The following GRIK2 variants were observed in gnomAD, a reference collection of about 807,000 sequenced individuals.
GRIK2 encodes glutamate ionotropic receptor kainate type subunit 2.
GRIK2 carries 32 observed loss-of-function variants against 100.3 expected under a neutral mutation model. The ratio of observed to expected loss-of-function variants is 0.32; its 90% CI spans 0.24 to 0.43. GRIK2 has a LOEUF of 0.43. GRIK2 is among the 20% of genes least tolerant of loss of function. The pLI, the probability that GRIK2 is intolerant of heterozygous loss-of-function variation, is 1.00. For synonymous variants in GRIK2, 417 were observed against 389.4 expected (o/e 1.07, Z -0.83); for missense variants, 843 against 1,114.9 (o/e 0.76, Z 3.47).
At chr6:101,973,377 A>G (rs183469807) in intron 14 of GRIK2, among the ~76,000 whole-genome samples, 2 of 152,074 alleles carry the variant, frequency 1.3e-5, no homozygotes, top group African/African-American at 4.8e-5. Flanking sequence ...TATAGTTGTA[A>G]GTATGCGTAA....
At position 101,938,994 on chromosome 6, in the gene GRIK2, G is replaced by A. The variant is rs142502702; in HGVS notation, c.2085+10362G>A. On this transcript the variant is annotated intron_variant, in intron 14 of 16. Transcript: ENST00000369134. Reference sequence around the variant, plus strand: ...GTAGGTGTTTCATTTATTAAGTATTGTAATTACAGCTAATTAGAAGCTACA... The same window carrying A: ...GTAGGTGTTTCATTTATTAAGTATTATAATTACAGCTAATTAGAAGCTACA... Among the ~76,000 whole-genome samples, 8 of 152,058 alleles carry A rather than the reference G, an allele frequency of 5.3e-5. No individual in the cohort carries two copies. In the East Asian group the frequency reaches 1.4e-3, roughly 26 times the overall value.
At chr6:101,991,874 T>A (rs920483953) in intron 14 of GRIK2, among the ~76,000 whole-genome samples, 3 of 151,438 alleles carry the variant, frequency 2.0e-5, no homozygotes, top group African/African-American at 7.3e-5. Flanking sequence ...GAATAAGAAA[T>A]GCCAAGTTAT....
intron 2 of GRIK2, among the ~76,000 whole-genome samples, chr6:101,617,877 T>C (rs1414457553): frequency 6.6e-6 from 1 of 151,696 alleles, no homozygotes; most frequent in Non-Finnish European, 1.5e-5. Flanking sequence ...TAAATGTGTG[T>C]ATATATGTGT....
chr6:101,647,850 A>G (rs1399776025), intron 4 of GRIK2, among the ~76,000 whole-genome samples: 2 of 152,166 alleles, frequency 1.3e-5, no homozygotes, highest in Middle Eastern at 3.4e-3. Flanking sequence ...GCAACATTAC[A>G]TATCACTGTG....
At position 101,686,365 on chromosome 6, in the gene GRIK2, C is replaced by G; in HGVS notation, c.951+12C>G. ...ATGGATTTATGACGGTATGAATACCCACTTAAAGATCAGTTTGTGTGTTTC... is the reference window on the plus strand; with the variant it reads ...ATGGATTTATGACGGTATGAATACCGACTTAAAGATCAGTTTGTGTGTTTC... On this transcript the variant is annotated intron_variant, in intron 7 of 16. Coordinates refer to ENST00000369134, the MANE Select transcript of GRIK2 (RefSeq NM_021956.5). 6.2e-7 allele frequency: 1 copy of G among 1,600,936 alleles called. No individual in the cohort carries two copies. The highest frequency in any genetic ancestry group is 8.6e-7 in the Non-Finnish European group (1 of 1,168,496).
chr6:101,609,207 T>G (rs570010275), intron 2 of GRIK2, among the ~76,000 whole-genome samples: 104 of 151,980 alleles, frequency 6.8e-4, no homozygotes, highest in Non-Finnish European at 1.2e-3. Flanking sequence ...AAAGAAAAGT[T>G]ACTAAACTTT....
chr6:101,498,468 G>C (rs547179800), intron 2 of GRIK2, among the ~76,000 whole-genome samples: 1 of 151,470 alleles, frequency 6.6e-6, no homozygotes, highest in African/African-American at 2.4e-5. Context: ...GGTTGAACTA[G>C]TTTACAGTCC....
chr6:101,667,087 T>C (rs1280531889), intron 4 of GRIK2, among the ~76,000 whole-genome samples: 1 of 152,176 alleles, frequency 6.6e-6, no homozygotes, highest in Non-Finnish European at 1.5e-5. Flanking sequence ...TCAGCCTGAA[T>C]CTGCCTGCCA....
intron 9 of GRIK2, among the ~76,000 whole-genome samples, chr6:101,805,581 C>T (rs981066204): frequency 6.6e-6 from 1 of 151,972 alleles, no homozygotes; most frequent in African/African-American, 2.4e-5. Context: ...TAGACCAGCA[C>T]ACTTCATTTA....
chr6:101,530,832 A>G (rs1439937417), intron 2 of GRIK2, among the ~76,000 whole-genome samples: 1 of 152,040 alleles, frequency 6.6e-6, no homozygotes, highest in East Asian at 1.9e-4. Flanking sequence ...TGCAGCAGAG[A>G]CACCATAAGT....
chr6:101,957,825 A>C (rs562153140), intron 14 of GRIK2, among the ~76,000 whole-genome samples: 30 of 152,056 alleles, frequency 2.0e-4, no homozygotes, highest in Non-Finnish European at 3.2e-4. Flanking sequence ...TTTGTTGAAG[A>C]TCAGTTGGTT....
Position 101,897,403 on chromosome 6 carries a change from A to C in GRIK2, c.1748+7540A>C, listed in dbSNP as rs73496663. Among the ~76,000 whole-genome samples the C allele has an allele frequency of 7.3e-3, 1,106 of 151,836 alleles. 10 individuals are homozygous for C. The highest frequency in any genetic ancestry group is 0.025 in the African/African-American group (1,041 of 41,496). On this transcript the variant is annotated intron_variant, in intron 12 of 16. Coordinates refer to ENST00000369134, the MANE Select transcript of GRIK2 (RefSeq NM_021956.5). ...TTTTCATAGCGGCAGAATACTGTGAATTGCTTGTAAGAATACACCTCTCCA... is the reference window on the plus strand; with the variant it reads ...TTTTCATAGCGGCAGAATACTGTGACTTGCTTGTAAGAATACACCTCTCCA...
At chr6:101,665,133 T>C (rs2128335681) in intron 4 of GRIK2, among the ~76,000 whole-genome samples, 1 of 152,296 alleles carries the variant, frequency 6.6e-6, no homozygotes, top group East Asian at 1.9e-4. Flanking sequence ...GCCCTGGCTA[T>C]GACCAGGTAG....
At chr6:101,943,034 T>G (rs1791053365) in intron 14 of GRIK2, among the ~76,000 whole-genome samples, 1 of 152,208 alleles carries the variant, frequency 6.6e-6, no homozygotes, top group African/African-American at 2.4e-5. Flanking sequence ...AAAAAATGGA[T>G]TCATGGGCCA....
intron 14 of GRIK2, among the ~76,000 whole-genome samples, chr6:101,969,399 T>C (rs1035155345): frequency 9.2e-5 from 14 of 152,164 alleles, no homozygotes; most frequent in Admixed American, 9.2e-4. Context: ...TTAATTTATG[T>C]TATTTCTCAG....
intron 2 of GRIK2, among the ~76,000 whole-genome samples, chr6:101,440,458 T>C (rs1164503819): frequency 6.6e-6 from 1 of 152,154 alleles, no homozygotes. Flanking sequence ...ACAAGAACCC[T>C]AGTTCAAATG....
intron 4 of GRIK2, among the ~76,000 whole-genome samples, chr6:101,646,489 AATT>A (rs1274628731): frequency 1.3e-5 from 2 of 151,960 alleles, no homozygotes; most frequent in Non-Finnish European, 2.9e-5. Flanking sequence ...TGACTATGGT[AATT>A]ATATCATAAT....
chr6:102,003,057 A>G (rs1345035917), intron 14 of GRIK2, among the ~76,000 whole-genome samples: 3 of 151,500 alleles, frequency 2.0e-5, no homozygotes, highest in African/African-American at 7.3e-5. Flanking sequence ...TTCTGATTGT[A>G]TCTCTTATAG....
At chr6:101,654,193 C>T (rs1228129082) in intron 4 of GRIK2, among the ~76,000 whole-genome samples, 1 of 152,006 alleles carries the variant, frequency 6.6e-6, no homozygotes, top group Admixed American at 6.6e-5. Flanking sequence ...ATGAGTGGGG[C>T]TTAGAGTTCA....
Sources: allele counts gnomAD v4.1 joint callset (sites outside exome capture counted in the v4.1 genomes callset), GRCh38; gene constraint gnomAD v4.1.1; transcripts MANE v1.5; gene names NCBI Gene and HGNC (gene_info 2026-07-23, HGNC 2026-07-21).